Variants in SORCS3 observed in about 807,000 individuals in gnomAD.
SORCS3 encodes the protein sortilin related VPS10 domain containing receptor 3.
Under a neutral mutation model 146.3 loss-of-function variants are expected in SORCS3, and 57 were observed. The ratio of observed to expected loss-of-function variants is 0.39; its 90% CI spans 0.31 to 0.49. The LOEUF (loss-of-function observed/expected upper bound fraction) is 0.49, where lower values mean the gene tolerates loss of function less well. Among genes scored for constraint, SORCS3 ranks in the 20% least tolerant of loss-of-function variants. The probability of loss-of-function intolerance (pLI) is 0.92; values close to 1 mark genes in which losing one functional copy is unlikely to be tolerated. For synonymous variants in SORCS3, 653 were observed against 618.5 expected (o/e 1.06, Z -0.83); for missense variants, 1,341 against 1,575.5 (o/e 0.85, Z 2.52).
intron 2 of SORCS3, among the ~76,000 whole-genome samples, chr10:104,887,120 A>C (rs1183687232): frequency 6.6e-6 from 1 of 152,208 alleles, no homozygotes; most frequent in East Asian, 1.9e-4. Flanking sequence ...AAAGATTCAC[A>C]TGCAGTGATT....
At chr10:104,987,200 A>C (rs1564729042) in intron 4 of SORCS3, among the ~76,000 whole-genome samples, 2 of 152,150 alleles carry the variant, frequency 1.3e-5, no homozygotes, top group African/African-American at 4.8e-5. Flanking sequence ...GAAAGAAGGA[A>C]GGAATGAATG....
At chr10:105,091,123 CTCCT>C (rs2055699285) in intron 6 of SORCS3, among the ~76,000 whole-genome samples, 1 of 72,024 alleles carries the variant, frequency 1.4e-5, no homozygotes, top group African/African-American at 5.1e-5. Context: ...CCCTCCCTCC[CTCCT>C]TCCCTCCTTC....
chr10:104,920,578 C>G (rs925821538), intron 3 of SORCS3, among the ~76,000 whole-genome samples: 4 of 152,082 alleles, frequency 2.6e-5, no homozygotes, highest in Non-Finnish European at 5.9e-5. Flanking sequence ...GATAAATTAC[C>G]CCAAGACTAT....
intron 9 of SORCS3, among the ~76,000 whole-genome samples, chr10:105,156,429 G>A (rs1589660090): frequency 1.3e-5 from 2 of 152,144 alleles, no homozygotes; most frequent in South Asian, 2.1e-4. Flanking sequence ...GGCTTGTTTT[G>A]TGGTGATGCT....
chr10:104,903,378 A>C, intron 2 of SORCS3, among the ~76,000 whole-genome samples: 1 of 152,288 alleles, frequency 6.6e-6, no homozygotes, highest in East Asian at 1.9e-4. Flanking sequence ...GGTGAGGACA[A>C]GAGACTATGG....
At chr10:104,651,430 A>T (rs1375897350) in intron 1 of SORCS3, among the ~76,000 whole-genome samples, 4 of 150,706 alleles carry the variant, frequency 2.7e-5, no homozygotes, top group African/African-American at 9.8e-5. Flanking sequence ...AAGAATGTTA[A>T]TTTTTGTAAT....
intron 7 of SORCS3, among the ~76,000 whole-genome samples, chr10:105,111,093 G>A (rs75867603): frequency 0.011 from 1,674 of 152,216 alleles, 31 homozygotes; most frequent in African/African-American, 0.039. Flanking sequence ...TTGTTTCATT[G>A]TAACCTTCAA....
At chr10:105,260,315 T>C (rs747462385) in intron 25 of SORCS3, among the ~76,000 whole-genome samples, 5 of 152,244 alleles carry the variant, frequency 3.3e-5, no homozygotes, top group Non-Finnish European at 5.9e-5. Context: ...ATATTACGGT[T>C]GATCCCAACC....
chr10:105,237,062 G>C (rs1291255741), intron 20 of SORCS3, among the ~76,000 whole-genome samples: 1 of 152,030 alleles, frequency 6.6e-6, no homozygotes, highest in African/African-American at 2.4e-5. Context: ...GTATTTCCTT[G>C]GTTAGGAATT....
chr10:105,242,909 A>G (rs1454320332), intron 20 of SORCS3, among the ~76,000 whole-genome samples: 18 of 64,746 alleles, frequency 2.8e-4, no homozygotes, highest in Non-Finnish European at 4.1e-4. Context: ...TATAAATTAT[A>G]TATATAATAT....
chr10:105,117,443 A>G lies in SORCS3; in HGVS notation c.1212+11928A>G, dbSNP rs141983143. Reference sequence around the variant, plus strand: ...TAGAAGGCATTGTTCTCATCCCCATATAAATGAGATTCCTCAATCTAAACA... The same window carrying G: ...TAGAAGGCATTGTTCTCATCCCCATGTAAATGAGATTCCTCAATCTAAACA... On this transcript the variant is annotated intron_variant, in intron 7 of 26. Coordinates refer to ENST00000369701, the MANE Select transcript of SORCS3 (RefSeq NM_014978.3). 2.2e-3 allele frequency among the ~76,000 whole-genome samples: 329 copies of G among 152,292 alleles called. 1 individual carries two copies. Among genetic ancestry groups the G allele is most frequent in the African/African-American group, 7.7e-3 (318 of 41,560 alleles).
chr10:105,259,991 C>T (rs2119771639), intron 25 of SORCS3, among the ~76,000 whole-genome samples: 1 of 152,260 alleles, frequency 6.6e-6, no homozygotes. Context: ...GACTTATATT[C>T]TCAACAGTCC....
At chr10:105,190,938 G>A (rs1017635493) in intron 14 of SORCS3, among the ~76,000 whole-genome samples, 5 of 152,202 alleles carry the variant, frequency 3.3e-5, no homozygotes, top group South Asian at 2.1e-4. Context: ...ACTCAAAATC[G>A]TGTTAGATAC....
intron 1 of SORCS3, among the ~76,000 whole-genome samples, chr10:104,704,886 C>A (rs1335753259): frequency 2.6e-5 from 4 of 152,138 alleles, no homozygotes; most frequent in African/African-American, 9.7e-5. Context: ...CTCTACTTTG[C>A]CTTGCTAGCT....
At chr10:104,648,111 T>C (rs1004249726) in intron 1 of SORCS3, among the ~76,000 whole-genome samples, 10 of 152,186 alleles carry the variant, frequency 6.6e-5, no homozygotes, top group African/African-American at 2.2e-4. Flanking sequence ...GGGTGATATG[T>C]GGTTAATTGT....
chr10:105,114,017 T>A (rs2055876421), intron 7 of SORCS3, among the ~76,000 whole-genome samples: 1 of 152,208 alleles, frequency 6.6e-6, no homozygotes, highest in South Asian at 2.1e-4. Flanking sequence ...TTCTAGTGAT[T>A]ATCCTGGAGA....
intron 20 of SORCS3, among the ~76,000 whole-genome samples, chr10:105,244,826 T>C (rs574626253): frequency 9.8e-4 from 149 of 152,188 alleles, no homozygotes; most frequent in Middle Eastern, 3.4e-3. Flanking sequence ...CCTAGCACTT[T>C]GGGAGACTGA....
intron 1 of SORCS3, among the ~76,000 whole-genome samples, chr10:104,685,368 A>G (rs1056811396): frequency 5.3e-5 from 8 of 152,166 alleles, no homozygotes; most frequent in Admixed American, 1.3e-4. Context: ...CTGGAATCCT[A>G]CAGTGGGCAG....
At chr10:105,146,253 T>C (rs1486526510) in intron 8 of SORCS3, among the ~76,000 whole-genome samples, 1 of 152,126 alleles carries the variant, frequency 6.6e-6, no homozygotes, top group Non-Finnish European at 1.5e-5. Context: ...TGATAATCTT[T>C]GTACAGTGCC....
Sources: allele counts gnomAD v4.1 joint callset (sites outside exome capture counted in the v4.1 genomes callset), GRCh38; gene constraint gnomAD v4.1.1; transcripts MANE v1.5; gene names NCBI Gene and HGNC (gene_info 2026-07-23, HGNC 2026-07-21).